TCEA2: variants seen among roughly 807,000 people sequenced by gnomAD.
TCEA2 encodes transcription elongation factor A protein 2.
TCEA2 carries 21 observed loss-of-function variants against 40.8 expected under a neutral mutation model. The ratio of observed to expected loss-of-function variants is 0.51; its 90% CI spans 0.36 to 0.74. The LOEUF (loss-of-function observed/expected upper bound fraction) is 0.74, where lower values mean the gene tolerates loss of function less well. Ranked by LOEUF, TCEA2 falls within the 30% of genes least tolerant of loss-of-function variation. The probability of loss-of-function intolerance (pLI) is 0.00; values close to 1 mark genes in which losing one functional copy is unlikely to be tolerated. For missense variants in TCEA2, 326 were observed against 426.5 expected, an observed-to-expected ratio of 0.76 and a Z score of 2.08; for synonymous variants, 165 against 162.7, an observed-to-expected ratio of 1.01 and a Z score of -0.11.
chr20:64,064,572 C>G (rs1297550683), intron 1 of TCEA2, among the ~76,000 whole-genome samples: 1 of 152,132 alleles, frequency 6.6e-6, no homozygotes, highest in Non-Finnish European at 1.5e-5. Context: ...CAGGCCAGCC[C>G]AGGGCGGTGA....
At chr20:64,071,130 A>G (rs1375769214) in intron 8 of TCEA2, among the ~76,000 whole-genome samples, 5 of 152,082 alleles carry the variant, frequency 3.3e-5, no homozygotes, top group Admixed American at 3.3e-4. Context: ...CAGGCGGATA[A>G]TGAGGTCAGG....
upstream of TCEA2, among the ~76,000 whole-genome samples, chr20:64,061,963 A>T (rs1227429460): frequency 2.0e-5 from 3 of 151,478 alleles, no homozygotes; most frequent in Non-Finnish European, 4.4e-5. Flanking sequence ...TCCTGACCTC[A>T]GGTGATCCAC....
rs757350432 is a variant in TCEA2, at chr20:64,069,987, C to T, written c.517+166C>T. On this transcript the variant is annotated intron_variant, in intron 6 of 9. Coordinates refer to ENST00000343484, the MANE Select transcript of TCEA2 (RefSeq NM_003195.6). ...GTCAGGCTGTCTCACCTCAGGAGGG[C>T]CCCCGGACCAGCTGAAGGGCTGATT... 20 of 945,788 alleles carry T rather than the reference C, an allele frequency of 2.1e-5. No homozygotes were observed. The South Asian group carries it at 2.5e-4, about 12-fold the overall frequency. The allele number at this position is 945,788 out of a possible 1,614,324, so 58.6% of individuals were successfully genotyped here.
At chr20:64,063,195 T>G (rs2059605541), upstream of TCEA2, 3 of 911,662 alleles carry the variant, frequency 3.3e-6, no homozygotes, top group Middle Eastern at 3.4e-4. Context: ...GGGTCTGTCG[T>G]CCGCGGCGGG....
rs1396460417 is a variant in TCEA2 at position 64,069,405 on chromosome 20, TCAC to T, written c.378_380del (p.Thr127del). 8 of 1,611,858 alleles carry T rather than the reference TCAC, an allele frequency of 5.0e-6. No homozygotes were observed. Among genetic ancestry groups the T allele is most frequent in the Non-Finnish European group, 6.8e-6 (8 of 1,179,344 alleles). Reference sequence around the variant, plus strand: ...CCCAGGGCACCGTCGACTCCGAGGATCACCACATTTCCTCCGGTGCCTGTCACC... The same window carrying T: ...CCCAGGGCACCGTCGACTCCGAGGATCACATTTCCTCCGGTGCCTGTCACC... On this transcript the variant is annotated inframe_deletion, in exon 5 of 10. Coordinates refer to ENST00000343484, the MANE Select transcript of TCEA2 (RefSeq NM_003195.6).
chr20:64,056,793 A>C (rs1019326889), upstream of TCEA2: 3 of 152,066 alleles, frequency 2.0e-5, no homozygotes, highest in Non-Finnish European at 4.4e-5. Flanking sequence ...CTTTGGGCCA[A>C]AGGTGCGGCT....
intron 3 of TCEA2, 121 bp downstream of exon 3, chr20:64,067,141 G>A (rs2059714332): frequency 7.8e-6 from 8 of 1,026,910 alleles, no homozygotes; most frequent in African/African-American, 3.2e-5. Context: ...GCTTGGGAGT[G>A]GGGCAGTGGC....
At chr20:64,056,820 C>G (rs1240710270), upstream of TCEA2, 1 of 152,194 alleles carries the variant, frequency 6.6e-6, no homozygotes, top group East Asian at 1.9e-4. Flanking sequence ...GTGGGGTGGA[C>G]CAGGGGTTTC....
At position 64,069,786 on chromosome 20, in the gene TCEA2, C is replaced by T. The variant is rs181307984; in HGVS notation, c.482C>T (p.Ala161Val). The change falls in exon 6 of 10, where the codon GCG becomes GTG. Residue 161 changes from alanine (A) to valine (V), a missense_variant. By Grantham distance (64) the Ala-to-Val change is moderately conservative (BLOSUM62 0). Coordinates refer to ENST00000343484, the MANE Select transcript of TCEA2 (RefSeq NM_003195.6). ...GCAGATGACCACGTGGCCATCGGTG[C>T]GGACTGCGAGCGCCTGTCGGCTCAG... is the stretch of plus-strand genomic sequence containing the variant. ...QTDHDHVAIG[A>V]DCERLSAQIE... 1.9e-5 allele frequency: 30 copies of T among 1,613,430 alleles called. No homozygotes were observed. The highest frequency in any genetic ancestry group is 2.3e-5 in the Non-Finnish European group (27 of 1,179,476).
At chr20:64,067,622 G>A (rs1464773943) in intron 3 of TCEA2, among the ~76,000 whole-genome samples, 1 of 152,240 alleles carries the variant, frequency 6.6e-6, no homozygotes, top group East Asian at 1.9e-4. Flanking sequence ...CCAGCCCTGT[G>A]TGGCCCTCAG....
At chr20:64,067,158 A>G (rs1186149383) in intron 3 of TCEA2, 138 bp downstream of exon 3, 1 of 819,114 alleles carries the variant, frequency 1.2e-6, no homozygotes, top group African/African-American at 1.7e-5. Flanking sequence ...TGGCAAACCC[A>G]GACCATGAAG....
chr20:64,062,072 G>C (rs1285751383), upstream of TCEA2, among the ~76,000 whole-genome samples: 1 of 152,172 alleles, frequency 6.6e-6, no homozygotes, highest in Non-Finnish European at 1.5e-5. Flanking sequence ...TTTCATTTTG[G>C]CTGCGGGGAA....
At chr20:64,057,083 G>C (rs780294151), upstream of TCEA2, 1 of 152,134 alleles carries the variant, frequency 6.6e-6, no homozygotes, top group Non-Finnish European at 1.5e-5. Flanking sequence ...GCCTGGTGTC[G>C]TGCGGCCGCT....
intron 1 of TCEA2, chr20:64,063,623 C>T: frequency 1.8e-6 from 1 of 547,242 alleles, no homozygotes; most frequent in Non-Finnish European, 3.2e-6. Flanking sequence ...TGGACCTTGT[C>T]CCGGGAGAGC....
At chr20:64,072,090 C>G in intron 9 of TCEA2, 82 bp from the exon 10 acceptor site, 2 of 1,601,082 alleles carry the variant, frequency 1.2e-6, no homozygotes, top group South Asian at 1.1e-5. Flanking sequence ...GAGAGCCCAG[C>G]CTTGGGTGAG....
intron 1 of TCEA2, chr20:64,065,619 G>A (rs2059674718): frequency 1.3e-5 from 2 of 152,220 alleles, no homozygotes; most frequent in South Asian, 2.1e-4. Context: ...GCGGCTCAGC[G>A]CCCTTGGGGA....
chr20:64,066,312 C>A, intron 1 of TCEA2, 164 bp from the exon 2 acceptor site: 1 of 728,800 alleles, frequency 1.4e-6, no homozygotes, highest in Non-Finnish European at 2.3e-6. Context: ...AACATGTGGG[C>A]AGAGCCCTGG....
At chr20:64,071,362 A>G (rs1260408710) in intron 8 of TCEA2, among the ~76,000 whole-genome samples, 6 of 150,250 alleles carry the variant, frequency 4.0e-5, no homozygotes, top group African/African-American at 1.2e-4. Context: ...AAAAAAAAAA[A>G]GAGGGGAGTG....
upstream of TCEA2, among the ~76,000 whole-genome samples, chr20:64,059,368 C>T (rs1337819531): frequency 1.3e-5 from 2 of 152,006 alleles, no homozygotes; most frequent in Non-Finnish European, 2.9e-5. Context: ...TGTCTCTGTC[C>T]CACCCCATCG....
Sources: gnomAD v4.1 joint callset for allele counts (sites outside exome capture counted in the v4.1 genomes callset) on GRCh38, gnomAD v4.1.1 for gene constraint, MANE v1.5 for transcripts, NCBI Gene and HGNC (gene_info 2026-07-23, HGNC 2026-07-21) for gene names.